The following DLG1 variants were observed in gnomAD, a reference collection of about 807,000 sequenced individuals.
DLG1 encodes the protein disks large homolog 1.
In DLG1, 42 loss-of-function variants were observed where a neutral mutation model predicts 123.4. The observed-to-expected ratio is 0.34, with a 90% confidence interval of 0.27 to 0.44. The LOEUF is 0.44. DLG1 is among the 20% of genes least tolerant of loss of function. The pLI is 1.00. For synonymous variants in DLG1, 317 were observed against 356.2 expected (o/e 0.89, Z 1.24); for missense variants, 942 against 1,082.6 (o/e 0.87, Z 1.82).
rs112319377 is a variant in DLG1, at chr3:197,119,604, A to G, written c.1166-74T>C. Reference sequence around the variant, plus strand: ...TCAGTATTCCATTTATGAGTGATTAATGTGTAATTTATATGCACTCCTTTA... The same window carrying G: ...TCAGTATTCCATTTATGAGTGATTAGTGTGTAATTTATATGCACTCCTTTA... On this transcript the variant is annotated intron_variant, in intron 11 of 24. Coordinates refer to ENST00000667157, the MANE Select transcript of DLG1 (RefSeq NM_001366207.1). 1,071 of 1,371,322 alleles carry G rather than the reference A, an allele frequency of 7.8e-4. 8 individuals carry two copies. The African/African-American group carries it at 0.013, about 17-fold the overall frequency. The allele number at this position is 1,371,322 out of a possible 1,614,324, so 84.9% of individuals were successfully genotyped here.
At chr3:197,224,820 GA>G (rs1367769558) in intron 4 of DLG1, among the ~76,000 whole-genome samples, 1 of 152,056 alleles carries the variant, frequency 6.6e-6, no homozygotes, top group Non-Finnish European at 1.5e-5. Flanking sequence ...ATCAGCAATT[GA>G]AAAGTTTCAG....
chr3:197,172,926 C>T (rs1804981498), intron 5 of DLG1, among the ~76,000 whole-genome samples: 1 of 152,148 alleles, frequency 6.6e-6, no homozygotes, highest in East Asian at 1.9e-4. Flanking sequence ...TTAGGAAGTA[C>T]AACTTCTTAC....
chr3:197,228,352 T>C (rs1274453261), intron 4 of DLG1, among the ~76,000 whole-genome samples: 4 of 152,246 alleles, frequency 2.6e-5, no homozygotes, highest in Non-Finnish European at 5.9e-5. Flanking sequence ...ACATGTCTAA[T>C]AGAACAAAAT....
At chr3:197,259,705 A>G (rs1196538011) in intron 4 of DLG1, among the ~76,000 whole-genome samples, 1 of 152,230 alleles carries the variant, frequency 6.6e-6, no homozygotes, top group African/African-American at 2.4e-5. Context: ...AGCATGCTGC[A>G]CTTTGAACAC....
chr3:197,140,400 A>T (rs942227589), intron 7 of DLG1, 136 bp from the exon 8 acceptor site: 6 of 813,912 alleles, frequency 7.4e-6, no homozygotes, highest in African/African-American at 1.8e-5. Flanking sequence ...TAATATAAAG[A>T]TTCTAAATTA....
chr3:197,106,188 T>C (rs951980018), intron 13 of DLG1, among the ~76,000 whole-genome samples: 4 of 152,242 alleles, frequency 2.6e-5, no homozygotes, highest in African/African-American at 7.2e-5. Context: ...GGTGGTTCAC[T>C]TGAGGCCAGG....
At chr3:197,066,604 AT>A (rs1184176153) in intron 20 of DLG1, 99 bp downstream of exon 20, 1 of 850,452 alleles carries the variant, frequency 1.2e-6, no homozygotes, top group Non-Finnish European at 1.8e-6. Context: ...GTAAAAAAAA[AT>A]TTTAATACAA....
Position 197,226,588 on chromosome 3 carries a change from A to G in DLG1, c.319-31999T>C, listed in dbSNP as rs150789493. On this transcript the variant is annotated intron_variant, in intron 4 of 24. Coordinates refer to ENST00000667157, the MANE Select transcript of DLG1 (RefSeq NM_001366207.1). ...ACATTTTGTAGTTTGATTCCTCTCT[A>G]TAAACAATTCAAGCAACAACAACAA... 1.1e-4 allele frequency among the ~76,000 whole-genome samples: 16 copies of G among 152,344 alleles called. No individual in the cohort carries two copies. The East Asian group carries it at 2.5e-3, about 24-fold the overall frequency.
chr3:197,164,067 A>C (rs1483418047), intron 5 of DLG1, among the ~76,000 whole-genome samples: 1 of 152,096 alleles, frequency 6.6e-6, no homozygotes, highest in Non-Finnish European at 1.5e-5. Flanking sequence ...TAGGGAAAGT[A>C]ATTTGGCAGT....
intron 4 of DLG1, among the ~76,000 whole-genome samples, chr3:197,261,040 T>C (rs919606440): frequency 3.3e-5 from 5 of 152,266 alleles, no homozygotes; most frequent in African/African-American, 1.2e-4. Flanking sequence ...ACTAAATCCA[T>C]TTCACTGATC....
At chr3:197,202,697 T>C (rs764005311) in intron 4 of DLG1, among the ~76,000 whole-genome samples, 7 of 152,160 alleles carry the variant, frequency 4.6e-5, no homozygotes, top group African/African-American at 1.4e-4. Flanking sequence ...CTAACCAATA[T>C]GCTAAAAACA....
At chr3:197,261,391 G>C (rs1002179930) in intron 4 of DLG1, among the ~76,000 whole-genome samples, 4 of 152,334 alleles carry the variant, frequency 2.6e-5, no homozygotes, top group Non-Finnish European at 4.4e-5. Context: ...GCAGTGAGCT[G>C]TAATTGCAGC....
intron 13 of DLG1, among the ~76,000 whole-genome samples, chr3:197,109,339 C>A (rs1017720614): frequency 6.6e-6 from 1 of 152,230 alleles, no homozygotes; most frequent in African/African-American, 2.4e-5. Context: ...GCACTCCAGC[C>A]TGGGGGACAG....
chr3:197,047,380 G>A (rs1724061680), intron 24 of DLG1, among the ~76,000 whole-genome samples: 1 of 152,092 alleles, frequency 6.6e-6, no homozygotes, highest in Admixed American at 6.5e-5. Context: ...TACTATTCTT[G>A]TAACTTCTAT....
At chr3:197,058,764 TTTC>T (rs1281891666) in intron 23 of DLG1, among the ~76,000 whole-genome samples, 7 of 152,244 alleles carry the variant, frequency 4.6e-5, no homozygotes, top group East Asian at 1.9e-4. Flanking sequence ...TTATATTTGT[TTTC>T]TTATTTAATT....
At chr3:197,111,307 T>C (rs1198325788) in intron 13 of DLG1, among the ~76,000 whole-genome samples, 2 of 152,156 alleles carry the variant, frequency 1.3e-5, no homozygotes, top group South Asian at 2.1e-4. Flanking sequence ...GTTGAGTTGG[T>C]TGGTCTCACA....
chr3:197,173,974 T>C (rs1283602610), intron 5 of DLG1, among the ~76,000 whole-genome samples: 1 of 152,072 alleles, frequency 6.6e-6, no homozygotes, highest in African/African-American at 2.4e-5. Context: ...TCCCAGCTAC[T>C]TAGGAGGCTG....
At chr3:197,226,469 G>C (rs1246405571) in intron 4 of DLG1, 2 of 152,132 alleles carry the variant, frequency 1.3e-5, no homozygotes, top group Non-Finnish European at 2.9e-5. Context: ...TGAGCCCAGA[G>C]CTTGTCATAT....
rs531657067 is a variant in DLG1, at chr3:197,232,466, T to C, written c.319-37877A>G. On this transcript the variant is annotated intron_variant, in intron 4 of 24. Transcript: ENST00000667157. ...TAGAAAAAGCTGGAACTGGGCTCAG[T>C]ATTAGGTTTATAGCTCTATGCTTAA... is the stretch of plus-strand genomic sequence containing the variant. Among the ~76,000 whole-genome samples, 5 of 151,668 alleles carry C rather than the reference T, an allele frequency of 3.3e-5. No homozygotes were observed. The East Asian group carries it at 7.8e-4, about 24-fold the overall frequency.
Sources: allele counts gnomAD v4.1 joint callset (sites outside exome capture counted in the v4.1 genomes callset), GRCh38; gene constraint gnomAD v4.1.1; transcripts MANE v1.5; gene names NCBI Gene and HGNC (gene_info 2026-07-23, HGNC 2026-07-21).